Variants in LURAP1L observed in about 807,000 individuals in gnomAD.
The protein encoded by LURAP1L is leucine rich adaptor protein 1-like.
In LURAP1L, 12 loss-of-function variants were observed where a neutral mutation model predicts 13.8. That is an observed-to-expected ratio of 0.87 (90% CI 0.56 to 1.41). The LOEUF (loss-of-function observed/expected upper bound fraction) is 1.41, where lower values mean the gene tolerates loss of function less well. Among genes scored for constraint, LURAP1L ranks in the 40% most tolerant of loss-of-function variants. The pLI is 0.00. For synonymous variants in LURAP1L, 139 were observed against 119.2 expected, an observed-to-expected ratio of 1.17 and a Z score of -1.08; for missense variants, 375 against 292.9, an observed-to-expected ratio of 1.28 and a Z score of -2.04.
In LURAP1L at chr9:12,822,536, G is replaced by A. The variant is rs1038995537; in HGVS notation, c.*776G>A. On this transcript the variant is annotated 3_prime_UTR_variant, in exon 2 of 2. Coordinates refer to ENST00000319264, the MANE Select transcript of LURAP1L (RefSeq NM_203403.2). Reference sequence around the variant, plus strand: ...TTAATTGCATTTTGAGATTTTGTTGGCATTTACTTGTATGTATTTTGTGAT... The same window carrying A: ...TTAATTGCATTTTGAGATTTTGTTGACATTTACTTGTATGTATTTTGTGAT... 3.3e-5 allele frequency among the ~76,000 whole-genome samples: 5 copies of A among 152,090 alleles called. No homozygotes were observed. The highest frequency in any genetic ancestry group is 1.2e-4 in the African/African-American group (5 of 41,398).
chr9:12,811,885 T>C (rs1231183687), intron 1 of LURAP1L, among the ~76,000 whole-genome samples: 1 of 152,188 alleles, frequency 6.6e-6, no homozygotes, highest in Non-Finnish European at 1.5e-5. Flanking sequence ...GGTGCCTTGA[T>C]GAGGCTGCAG....
At chr9:12,792,559 G>A (rs374851637) in intron 1 of LURAP1L, among the ~76,000 whole-genome samples, 1 of 152,046 alleles carries the variant, frequency 6.6e-6, no homozygotes, top group Non-Finnish European at 1.5e-5. Flanking sequence ...TCCAATAAAT[G>A]TGTCTATTAA....
chr9:12,799,672 A>T (rs1819557477), intron 1 of LURAP1L, among the ~76,000 whole-genome samples: 1 of 152,152 alleles, frequency 6.6e-6, no homozygotes, highest in Non-Finnish European at 1.5e-5. Flanking sequence ...CGAGGTCAGG[A>T]GATCGAGACC....
chr9:12,787,089 A>G (rs1331647716), intron 1 of LURAP1L, among the ~76,000 whole-genome samples: 1 of 152,174 alleles, frequency 6.6e-6, no homozygotes, highest in Non-Finnish European at 1.5e-5. Context: ...TTGCTAAAAC[A>G]TGCAAAGAGT....
At chr9:12,809,882 A>G (rs1167546754) in intron 1 of LURAP1L, among the ~76,000 whole-genome samples, 2 of 152,132 alleles carry the variant, frequency 1.3e-5, no homozygotes, top group East Asian at 1.9e-4. Context: ...CTCTTTAAAT[A>G]TGGTCAGAGG....
chr9:12,776,606 A>G (rs577294994), intron 1 of LURAP1L, among the ~76,000 whole-genome samples: 1 of 152,004 alleles, frequency 6.6e-6, no homozygotes, highest in Admixed American at 6.5e-5. Flanking sequence ...CAGATTCTCC[A>G]CAGCTGGTTC....
rs111621438 is a variant in LURAP1L at position 12,813,084 on chromosome 9, T to A, written c.313-8302T>A. The stretch of plus-strand genomic sequence containing the variant: ...TAAGGGGTAAAATGCAAGTCTCTAA[T>A]CTGCTTATTACAAAATGCAATCAAT... On this transcript the variant is annotated intron_variant, in intron 1 of 1. Transcript: ENST00000319264. Among the ~76,000 whole-genome samples the A allele has an allele frequency of 4.7e-3, 716 of 152,288 alleles. 3 individuals carry two copies. Among genetic ancestry groups the A allele is most frequent in the Non-Finnish European group, 7.3e-3 (499 of 67,996 alleles).
intron 1 of LURAP1L, among the ~76,000 whole-genome samples, chr9:12,814,887 G>A (rs1248216758): frequency 6.6e-6 from 1 of 152,188 alleles, no homozygotes; most frequent in Non-Finnish European, 1.5e-5. Flanking sequence ...AAAGCTGACT[G>A]ATGTGAAAGG....
In LURAP1L at chr9:12,775,924, C is replaced by T. The variant is rs745384628; in HGVS notation, c.209C>T (p.Ser70Leu). Residue 70 changes from serine (S) to leucine (L), a missense_variant, in exon 1 of 2, where the codon TCG becomes TTG. Coordinates refer to ENST00000319264, the MANE Select transcript of LURAP1L (RefSeq NM_203403.2). ...TACTGCAGCTTCCCTCCCTCCTTGT[C>T]GTCCTCCTCTTCGTCCTCCCCAACC... Reference protein sequence around the residue: ...SSYCSFPPSLSSSSSSSPTSG... With the variant: ...SSYCSFPPSLLSSSSSSPTSG... 2 of 1,572,854 alleles carry T rather than the reference C, an allele frequency of 1.3e-6. No homozygotes were observed. Among genetic ancestry groups the T allele is most frequent in the Admixed American group, 1.9e-5 (1 of 53,168 alleles).
At chr9:12,783,485 T>C (rs1377861414) in intron 1 of LURAP1L, among the ~76,000 whole-genome samples, 1 of 152,222 alleles carries the variant, frequency 6.6e-6, no homozygotes, top group Admixed American at 6.5e-5. Context: ...CTTCATTCTA[T>C]TGATATGATG....
Position 12,820,505 on chromosome 9 carries a change from C to T in LURAP1L, c.313-881C>T, listed in dbSNP as rs868225639. 9.0e-5 allele frequency among the ~76,000 whole-genome samples: 6 copies of T among 67,028 alleles called. 1 individual carries two copies. The highest frequency in any genetic ancestry group is 1.4e-4 in the African/African-American group (3 of 21,972). 44.0% of individuals were successfully genotyped at this position (67,028 alleles called of 152,430 possible). On this transcript the variant is annotated intron_variant, in intron 1 of 1. Transcript: ENST00000319264. ...ACGACAGATCGAGACTCCGTCCCCC[C>T]CCCCCCCCCAAAAAAAAAAAAGGAC... is the stretch of plus-strand genomic sequence containing the variant.
Position 12,821,845 on chromosome 9 carries a change from T to C in LURAP1L, c.*85T>C. 6.8e-7 allele frequency: 1 copy of C among 1,475,464 alleles called. No homozygotes were observed. 91.4% of individuals were successfully genotyped at this position (1,475,464 alleles called of 1,614,324 possible). A position where few individuals can be genotyped will look rare whatever the true frequency, so the allele number is the denominator to read the frequency against. On this transcript the variant is annotated 3_prime_UTR_variant, in exon 2 of 2. Transcript: ENST00000319264. ...TGCTATATTTTTGGTGTGATTTTTA[T>C]TTTAATAAGATGACCTTTTTAAAAG...
intron 1 of LURAP1L, among the ~76,000 whole-genome samples, chr9:12,810,369 C>T (rs1405816295): frequency 6.6e-6 from 1 of 152,192 alleles, no homozygotes; most frequent in Non-Finnish European, 1.5e-5. Context: ...CTATGATTCT[C>T]TGTATCCATG....
chr9:12,801,144 G>A (rs997356821), intron 1 of LURAP1L, among the ~76,000 whole-genome samples: 2 of 152,060 alleles, frequency 1.3e-5, no homozygotes, highest in Admixed American at 6.6e-5. Flanking sequence ...TTCCCAGTGA[G>A]TTGTATAAGC....
intron 1 of LURAP1L, among the ~76,000 whole-genome samples, chr9:12,792,700 T>C (rs1819458769): frequency 6.6e-6 from 1 of 152,094 alleles, no homozygotes; most frequent in Non-Finnish European, 1.5e-5. Flanking sequence ...TTGGGGATTA[T>C]ATTTAGTAGT....
intron 1 of LURAP1L, among the ~76,000 whole-genome samples, chr9:12,800,388 G>C (rs995972129): frequency 6.6e-6 from 1 of 152,068 alleles, no homozygotes; most frequent in Non-Finnish European, 1.5e-5. Flanking sequence ...TTAATTAGTA[G>C]AAGAATAACA....
At position 12,775,519 on chromosome 9, in the gene LURAP1L, C is replaced by A; in HGVS notation, c.-197C>A. On this transcript the variant is annotated 5_prime_UTR_variant, in exon 1 of 2. In the 5' UTR this introduces an upstream ATG that the reference lacks. Transcript: ENST00000319264. ...AGTCGCAGCGGACTGGGAACTGCAG[C>A]TGCGACCCCCCGCGTCCTGTGCGGA... 1.3e-6 allele frequency: 1 copy of A among 742,412 alleles called. No homozygotes were observed. The highest frequency in any genetic ancestry group is 2.0e-6 in the Non-Finnish European group (1 of 500,540). 46.0% of individuals were successfully genotyped at this position (742,412 alleles called of 1,614,324 possible).
In LURAP1L at chr9:12,775,859, T is replaced by G; in HGVS notation, c.144T>G (p.Gly48=). ...GGGACCCCTGCGGGGGGAGCGGTGGTGGTGGCGGCGGCGGCGGCGGCTGCA... is the reference window on the plus strand; with the variant it reads ...GGGACCCCTGCGGGGGGAGCGGTGGGGGTGGCGGCGGCGGCGGCGGCTGCA... ...RDRDPCGGSG[G]GGGGGGGCSS... is the part of the protein sequence containing the mutation. The change falls in exon 1 of 2, where the codon GGT becomes GGG. Residue 48 remains glycine (G), a synonymous_variant. Transcript: ENST00000319264. 2 of 819,552 alleles carry G rather than the reference T, an allele frequency of 2.4e-6. No individual in the cohort carries two copies. Among genetic ancestry groups the G allele is most frequent in the Non-Finnish European group, 3.6e-6 (2 of 555,826 alleles). The allele number at this position is 819,552 out of a possible 1,614,324, so 50.8% of individuals were successfully genotyped here. A position where few individuals can be genotyped will look rare whatever the true frequency, so the allele number is the denominator to read the frequency against.
intron 1 of LURAP1L, among the ~76,000 whole-genome samples, chr9:12,788,187 G>GAAAGAAAGAAAGAAAGAAATAAAT (rs374048758): frequency 7.3e-6 from 1 of 136,598 alleles, no homozygotes; most frequent in African/African-American, 2.7e-5. Flanking sequence ...AAGAAAGAAA[G>GAAAGAAAGAAAGAAAGAAATAAAT]AAAGAAAAGA....
Sources: allele counts gnomAD v4.1 joint callset (sites outside exome capture counted in the v4.1 genomes callset), GRCh38; gene constraint gnomAD v4.1.1; transcripts MANE v1.5; gene names NCBI Gene and HGNC (gene_info 2026-07-23, HGNC 2026-07-21).